The following GAB3 variants were observed in gnomAD, a reference collection of about 807,000 sequenced individuals.
GAB3 encodes the protein GRB2 associated binding protein 3.
In GAB3, 12 loss-of-function variants were observed where a neutral mutation model predicts 40.4. That is an observed-to-expected ratio of 0.30 (90% CI 0.19 to 0.48). The LOEUF (loss-of-function observed/expected upper bound fraction) is 0.48. Ranked by LOEUF, GAB3 falls within the 20% of genes least tolerant of loss-of-function variation. The pLI is 0.99. For synonymous variants in GAB3, 154 were observed against 176.7 expected (o/e 0.87, Z 1.02); for missense variants, 381 against 461.9 (o/e 0.82, Z 1.61).
At chrX:154,710,476 A>G (rs1603425901) in intron 4 of GAB3, among the ~76,000 whole-genome samples, 1 of 112,032 alleles carries the variant, frequency 8.9e-6, no homozygotes, top group African/African-American at 3.2e-5. Context: ...GAAAGCAGAA[A>G]GGAAACTCAG....
chrX:154,690,365 T>A (rs1324029466), intron 8 of GAB3, among the ~76,000 whole-genome samples: 1 of 112,109 alleles, frequency 8.9e-6, no homozygotes, highest in Non-Finnish European at 1.9e-5. Context: ...GGGCAAGGAC[T>A]TCATGTCTAA....
chrX:154,745,922 G>A lies in GAB3; in HGVS notation c.72+5032C>T, dbSNP rs181190943. Among the ~76,000 whole-genome samples, 320 of 109,779 alleles carry A rather than the reference G, an allele frequency of 2.9e-3. 2 individuals carry two copies. Among genetic ancestry groups the A allele is most frequent in the Non-Finnish European group, 3.3e-3 (173 of 52,559 alleles). On this transcript the variant is annotated intron_variant, in intron 1 of 9. Transcript: ENST00000424127. Reference sequence around the variant, plus strand: ...CAAAAATTAGCCAGGCATGGTGGTGGGCACCTGTAATCCCAGCTACCCGGG... The same window carrying A: ...CAAAAATTAGCCAGGCATGGTGGTGAGCACCTGTAATCCCAGCTACCCGGG...
chrX:154,697,088 G>T, intron 7 of GAB3, 44 bp downstream of exon 7: 1 of 1,020,070 alleles, frequency 9.8e-7, no homozygotes, highest in Non-Finnish European at 1.4e-6. Flanking sequence ...ACACACACCG[G>T]GGTGTCTGTG....
At chrX:154,709,428 C>G (rs782621026) in intron 4 of GAB3, among the ~76,000 whole-genome samples, 2 of 107,657 alleles carry the variant, frequency 1.9e-5, no homozygotes, top group Non-Finnish European at 3.8e-5. Context: ...TCAAGCGATT[C>G]TCCTGCCTCA....
intron 8 of GAB3, among the ~76,000 whole-genome samples, chrX:154,680,551 C>T (rs1180070984): frequency 8.9e-6 from 1 of 112,205 alleles, no homozygotes; most frequent in African/African-American, 3.2e-5. Context: ...AGAGATTAAA[C>T]CCTAACAAGA....
At chrX:154,690,470 G>A (rs1235066904) in intron 8 of GAB3, among the ~76,000 whole-genome samples, 1 of 111,818 alleles carries the variant, frequency 8.9e-6, no homozygotes, top group Non-Finnish European at 1.9e-5. Flanking sequence ...TACCATCAGA[G>A]TGAACAGGCA....
At chrX:154,696,298 CAAAAAAAAAAAA>C (rs35105330) in intron 7 of GAB3, among the ~76,000 whole-genome samples, 3 of 40,144 alleles carry the variant, frequency 7.5e-5, no homozygotes, top group African/African-American at 1.9e-4. Context: ...TATCATTTAG[CAAAAAAAAAAAA>C]AAAAAAAAAA....
intron 1 of GAB3, among the ~76,000 whole-genome samples, chrX:154,718,885 G>A (rs1341585866): frequency 4.5e-5 from 5 of 112,206 alleles, no homozygotes; most frequent in African/African-American, 1.6e-4. Context: ...CACATTAACC[G>A]CTCTTAGTGT....
intron 4 of GAB3, among the ~76,000 whole-genome samples, chrX:154,704,997 A>G (rs1200602415): frequency 9.0e-6 from 1 of 111,426 alleles, no homozygotes; most frequent in Non-Finnish European, 1.9e-5. Context: ...TTACTGCTGA[A>G]TTCTACCAAA....
At chrX:154,731,706 T>G (rs1453591609) in intron 1 of GAB3, among the ~76,000 whole-genome samples, 1 of 111,598 alleles carries the variant, frequency 9.0e-6, no homozygotes, top group Non-Finnish European at 1.9e-5. Context: ...TGGGATTGTC[T>G]CTAAAGGAGT....
intron 1 of GAB3, among the ~76,000 whole-genome samples, chrX:154,726,701 T>C (rs2071215837): frequency 8.9e-6 from 1 of 111,790 alleles, no homozygotes; most frequent in South Asian, 3.7e-4. Flanking sequence ...AATGCAGCTT[T>C]TATTTCATGG....
chrX:154,733,282 C>T (rs782092056), intron 1 of GAB3, among the ~76,000 whole-genome samples: 1 of 112,334 alleles, frequency 8.9e-6, no homozygotes, highest in Admixed American at 9.4e-5. Context: ...TTATGTGTCA[C>T]GTCCCTTTGT....
At position 154,707,656 on chromosome X, in the gene GAB3, C is replaced by T. The variant is rs201258388; in HGVS notation, c.1069+4573G>A. On this transcript the variant is annotated intron_variant, in intron 4 of 9. Transcript: ENST00000424127. Reference sequence around the variant, plus strand: ...TGAGATCAGGAATGATACAAGGATCCGTATTGTCACCAGGACTATTCAGTA... The same window carrying T: ...TGAGATCAGGAATGATACAAGGATCTGTATTGTCACCAGGACTATTCAGTA... Among the ~76,000 whole-genome samples the T allele has an allele frequency of 1.3e-4, 14 of 111,482 alleles. No homozygotes were observed. The East Asian group carries it at 1.7e-3, about 13-fold the overall frequency.
At chrX:154,733,465 T>G in intron 1 of GAB3, among the ~76,000 whole-genome samples, 1 of 112,384 alleles carries the variant, frequency 8.9e-6, no homozygotes, top group Non-Finnish European at 1.9e-5. Flanking sequence ...ATTTGCCTTA[T>G]AAGTTGGTAT....
rs41304988 is a variant in GAB3, at chrX:154,713,398, C to T, written c.405G>A (p.Thr135=). The change falls in exon 3 of 10, where the codon ACG becomes ACA. Residue 135 remains threonine, a synonymous_variant. Transcript: ENST00000424127. ...CAGAGGATGGCTGCAGGGAGGAGGG[C>T]GTGTAAGAGAGGCTCTCCATGGAAT... is the stretch of plus-strand genomic sequence containing the variant. ...AADSMESLSY[T]PSSLQPSSAS... The T allele has an allele frequency of 5.7e-4, 690 of 1,204,911 alleles. 1 individual carries two copies. The highest frequency in any genetic ancestry group is 3.7e-4 in the African/African-American group (21 of 56,428).
At position 154,675,397 on chromosome X, in the gene GAB3, C is replaced by T. The variant is rs1274148130; in HGVS notation, c.*2781G>A. 11 of 111,849 alleles carry T rather than the reference C, an allele frequency of 9.8e-5. No individual in the cohort carries two copies. The highest frequency in any genetic ancestry group is 3.3e-4 in the African/African-American group (10 of 30,765). The allele number at this position is 111,849 out of a possible 1,213,427, so 9.2% of individuals were successfully genotyped here. ...CTGAGGAGAGCCTTCAGTTTCAACT[C>T]GGAACTTTTAAAGGTCATGATTCAG... On this transcript the variant is annotated 3_prime_UTR_variant, in exon 10 of 10. Coordinates refer to ENST00000424127, the MANE Select transcript of GAB3 (RefSeq NM_001081573.3).
intron 1 of GAB3, among the ~76,000 whole-genome samples, chrX:154,718,535 A>G (rs2148464032): frequency 8.9e-6 from 1 of 111,898 alleles, no homozygotes; most frequent in East Asian, 2.8e-4. Context: ...AAATTGATTC[A>G]GTAAATTCCT....
At chrX:154,735,448 C>A (rs782558597) in intron 1 of GAB3, among the ~76,000 whole-genome samples, 8 of 112,016 alleles carry the variant, frequency 7.1e-5, no homozygotes, top group African/African-American at 1.9e-4. Context: ...AGACATCTTC[C>A]CAGAATGGAG....
At position 154,710,477 on chromosome X, in the gene GAB3, G is replaced by T. The variant is rs782279073; in HGVS notation, c.1069+1752C>A. Reference sequence around the variant, plus strand: ...GGCTCCAAGGGATAGAAAGCAGAAAGGAAACTCAGACCCTCACATACATGG... The same window carrying T: ...GGCTCCAAGGGATAGAAAGCAGAAATGAAACTCAGACCCTCACATACATGG... On this transcript the variant is annotated intron_variant, in intron 4 of 9. Coordinates refer to ENST00000424127, the MANE Select transcript of GAB3 (RefSeq NM_001081573.3). 7.1e-5 allele frequency among the ~76,000 whole-genome samples: 8 copies of T among 111,891 alleles called. No homozygotes were observed. In the South Asian group the frequency reaches 3.0e-3, roughly 42 times the overall value.
Sources: gnomAD v4.1 joint callset for allele counts (sites outside exome capture counted in the v4.1 genomes callset) on GRCh38, gnomAD v4.1.1 for gene constraint, MANE v1.5 for transcripts, NCBI Gene and HGNC (gene_info 2026-07-23, HGNC 2026-07-21) for gene names.